The following NCKAP5 variants were observed in gnomAD, a reference collection of about 807,000 sequenced individuals.
NCKAP5 encodes nck-associated protein 5.
Under a neutral mutation model 167.0 loss-of-function variants are expected in NCKAP5, and 92 were observed. The observed-to-expected ratio is 0.55, with a 90% CI of 0.47 to 0.66. NCKAP5 has a LOEUF of 0.66. Among genes scored for constraint, NCKAP5 ranks in the 30% least tolerant of loss-of-function variants. NCKAP5 has a pLI of 0.00. For missense variants in NCKAP5, 2,378 were observed against 2,315.0 expected, an observed-to-expected ratio of 1.03 and a Z score of -0.56; for synonymous variants, 891 against 877.4, an observed-to-expected ratio of 1.02 and a Z score of -0.27.
intron 3 of NCKAP5, among the ~76,000 whole-genome samples, chr2:133,422,801 T>C (rs947706535): frequency 6.6e-5 from 10 of 152,170 alleles, no homozygotes; most frequent in Non-Finnish European, 1.5e-4. Flanking sequence ...TCAAAAGCTA[T>C]TCACTTTGGG....
intron 3 of NCKAP5, among the ~76,000 whole-genome samples, chr2:133,327,017 G>A (rs762924257): frequency 5.3e-5 from 8 of 152,156 alleles, no homozygotes; most frequent in African/African-American, 1.4e-4. Context: ...TTTCCTAACC[G>A]TACTGATCAT....
chr2:133,061,244 G>T (rs2079990665), intron 6 of NCKAP5, among the ~76,000 whole-genome samples: 1 of 152,154 alleles, frequency 6.6e-6, no homozygotes, highest in South Asian at 2.1e-4. Flanking sequence ...CAGGGTTTGA[G>T]GACTGCAATT....
At chr2:133,245,314 C>G (rs1355998553) in intron 4 of NCKAP5, among the ~76,000 whole-genome samples, 2 of 152,068 alleles carry the variant, frequency 1.3e-5, no homozygotes, top group Non-Finnish European at 2.9e-5. Flanking sequence ...TTTACGACTA[C>G]TTGCAATGAT....
At chr2:133,021,941 T>C (rs2078543738) in intron 6 of NCKAP5, among the ~76,000 whole-genome samples, 1 of 152,180 alleles carries the variant, frequency 6.6e-6, no homozygotes, top group Non-Finnish European at 1.5e-5. Flanking sequence ...TAAACTCTAG[T>C]TCTTAAGCAA....
At chr2:133,130,202 T>C (rs2082552351) in intron 5 of NCKAP5, 91 bp from the exon 6 acceptor site, 4 of 1,389,476 alleles carry the variant, frequency 2.9e-6, no homozygotes, top group Admixed American at 2.9e-5. Context: ...TTGAGCTTTA[T>C]ATATATGAAT....
intron 11 of NCKAP5, among the ~76,000 whole-genome samples, chr2:132,804,413 G>A (rs957271924): frequency 6.6e-6 from 1 of 152,090 alleles, no homozygotes; most frequent in Admixed American, 6.6e-5. Flanking sequence ...TGCCCCCGCT[G>A]TTTTGTAAAA....
At chr2:133,012,581 C>G in intron 6 of NCKAP5, among the ~76,000 whole-genome samples, 1 of 152,072 alleles carries the variant, frequency 6.6e-6, no homozygotes, top group East Asian at 1.9e-4. Context: ...CCTTCAATGG[C>G]TTTTTCTGCA....
At chr2:133,639,361 CGA>C in the NCKAP5 span, among the ~76,000 whole-genome samples, 2 of 152,098 alleles carry the variant, frequency 1.3e-5, no homozygotes, top group South Asian at 4.1e-4. Context: ...GAAGACATGA[CGA>C]TAGCAACATT....
intron 3 of NCKAP5, among the ~76,000 whole-genome samples, chr2:133,432,598 G>T (rs918983594): frequency 3.3e-5 from 5 of 152,110 alleles, no homozygotes; most frequent in African/African-American, 1.2e-4. Flanking sequence ...TTTAAATAAT[G>T]AAACTGTTCC....
rs1271544547 is a variant in NCKAP5 at position 133,552,768 on chromosome 2, A to G, written c.-62+6282T>C. On this transcript the variant is annotated intron_variant, in intron 2 of 19. Coordinates refer to ENST00000409261, the MANE Select transcript of NCKAP5 (RefSeq NM_207363.3). ...AATAAAAAAAAAAGAAAAAGAAAAA[A>G]AAAAGATTGAGAAGCGGGTGGGGCA... Among the ~76,000 whole-genome samples, 9 of 152,042 alleles carry G rather than the reference A, an allele frequency of 5.9e-5. 1 individual carries two copies. Among genetic ancestry groups the G allele is most frequent in the African/African-American group, 2.2e-4 (9 of 41,406 alleles).
At chr2:133,648,140 A>G in the NCKAP5 span, among the ~76,000 whole-genome samples, 29 of 152,256 alleles carry the variant, frequency 1.9e-4, no homozygotes, top group Admixed American at 1.9e-3. Flanking sequence ...CATAAAAAGC[A>G]AGGACATTTC....
intron 6 of NCKAP5, among the ~76,000 whole-genome samples, chr2:133,080,370 T>C (rs2080759847): frequency 6.6e-6 from 1 of 152,136 alleles, no homozygotes; most frequent in African/African-American, 2.4e-5. Flanking sequence ...CTCAGTTAGT[T>C]ACCCTAAGGT....
chr2:133,168,780 A>G (rs886504382), intron 5 of NCKAP5, among the ~76,000 whole-genome samples: 12 of 152,324 alleles, frequency 7.9e-5, no homozygotes, highest in Admixed American at 2.6e-4. Flanking sequence ...CCATATTTAT[A>G]AGGTCACATT....
chr2:132,955,356 T>C (rs1386819892), intron 8 of NCKAP5, among the ~76,000 whole-genome samples: 1 of 152,074 alleles, frequency 6.6e-6, no homozygotes, highest in Non-Finnish European at 1.5e-5. Context: ...ACTGGGCACA[T>C]GTGGGAAGGG....
intron 6 of NCKAP5, among the ~76,000 whole-genome samples, chr2:133,009,870 C>T (rs2078094032): frequency 6.6e-6 from 1 of 151,776 alleles, no homozygotes; most frequent in Non-Finnish European, 1.5e-5. Flanking sequence ...GAGTTCGAGA[C>T]CATCCTGGCC....
intron 6 of NCKAP5, among the ~76,000 whole-genome samples, chr2:133,081,488 C>A (rs1194541563): frequency 6.6e-6 from 1 of 152,138 alleles, no homozygotes; most frequent in Non-Finnish European, 1.5e-5. Context: ...ATTTTCTAGT[C>A]CCTTGCATCC....
At chr2:133,469,819 T>C (rs1012337349) in intron 3 of NCKAP5, among the ~76,000 whole-genome samples, 1 of 151,954 alleles carries the variant, frequency 6.6e-6, no homozygotes, top group African/African-American at 2.4e-5. Flanking sequence ...CTGAGGCTTC[T>C]ACATTCTTCA....
At chr2:132,908,959 G>A (rs150847578) in intron 8 of NCKAP5, among the ~76,000 whole-genome samples, 21 of 152,300 alleles carry the variant, frequency 1.4e-4, no homozygotes, top group African/African-American at 5.1e-4. Flanking sequence ...ACTGAACAGT[G>A]TCATAAGTTA....
the NCKAP5 span, among the ~76,000 whole-genome samples, chr2:133,666,571 T>C: frequency 6.6e-6 from 1 of 152,012 alleles, no homozygotes; most frequent in African/African-American, 2.4e-5. Context: ...CTGATGGACT[T>C]CAGATTATTT....
Sources: gnomAD v4.1 joint callset for allele counts (sites outside exome capture counted in the v4.1 genomes callset) on GRCh38, gnomAD v4.1.1 for gene constraint, MANE v1.5 for transcripts, NCBI Gene and HGNC (gene_info 2026-07-23, HGNC 2026-07-21) for gene names.